ADAM23: variants seen among roughly 807,000 people sequenced by gnomAD.
ADAM23 encodes the protein ADAM metallopeptidase domain 23, also known as disintegrin and metalloproteinase domain-containing protein 23.
ADAM23 carries 33 observed loss-of-function variants against 120.1 expected under a neutral mutation model. The observed-to-expected ratio is 0.27, with a 90% CI of 0.21 to 0.37. ADAM23 has a LOEUF of 0.37. Among genes scored for constraint, ADAM23 ranks in the 10% least tolerant of loss-of-function variants. The probability of loss-of-function intolerance (pLI) is 1.00; values close to 1 mark genes in which losing one functional copy is unlikely to be tolerated. For synonymous variants in ADAM23, 367 were observed against 375.2 expected (o/e 0.98, Z 0.25); for missense variants, 862 against 1,058.2 (o/e 0.81, Z 2.57).
intron 24 of ADAM23, among the ~76,000 whole-genome samples, chr2:206,598,581 A>G (rs1698574435): frequency 6.6e-6 from 1 of 152,162 alleles, no homozygotes; most frequent in Admixed American, 6.5e-5. Context: ...TACGGAAAAT[A>G]TTAAAACTCA....
intron 3 of ADAM23, among the ~76,000 whole-genome samples, chr2:206,516,030 G>T (rs969424081): frequency 6.6e-6 from 1 of 151,804 alleles, no homozygotes; most frequent in African/African-American, 2.4e-5. Flanking sequence ...TACACATAAA[G>T]GAGTGGAAAA....
At chr2:206,607,875 A>G (rs1698756564) in intron 24 of ADAM23, 4 of 349,980 alleles carry the variant, frequency 1.1e-5, no homozygotes, top group South Asian at 8.0e-5. Flanking sequence ...TAAGAATTCC[A>G]TGGACAGTTT....
chr2:206,562,308 C>A lies in ADAM23; in HGVS notation c.1345+15C>A. The stretch of plus-strand genomic sequence containing the variant: ...CAGAAAGCCAAGTATGTACACTGAC[C>A]TTCTTACTCATTTTCATGTGCCATT... On this transcript the variant is annotated intron_variant, in intron 13 of 25. Coordinates refer to ENST00000264377, the MANE Select transcript of ADAM23 (RefSeq NM_003812.4). 6.2e-7 allele frequency: 1 copy of A among 1,601,004 alleles called. No individual in the cohort carries two copies. Among genetic ancestry groups the A allele is most frequent in the Non-Finnish European group, 8.6e-7 (1 of 1,168,756 alleles).
intron 20 of ADAM23, 138 bp from the exon 21 acceptor site, chr2:206,589,271 A>C (rs1224650756): frequency 3.1e-6 from 2 of 635,054 alleles, no homozygotes; most frequent in Non-Finnish European, 5.1e-6. Context: ...TACCATGGAA[A>C]CTTGCAAATG....
At chr2:206,611,912 G>A (rs900439451) in intron 25 of ADAM23, among the ~76,000 whole-genome samples, 1 of 152,188 alleles carries the variant, frequency 6.6e-6, no homozygotes, top group African/African-American at 2.4e-5. Flanking sequence ...ATGAGAAACA[G>A]CCTTTGCTGA....
chr2:206,467,501 C>A (rs950308193), intron 2 of ADAM23, among the ~76,000 whole-genome samples: 1 of 152,232 alleles, frequency 6.6e-6, no homozygotes, highest in Non-Finnish European at 1.5e-5. Context: ...CCATCCAGGG[C>A]ACACTGTTGT....
chr2:206,606,119 T>G (rs978177412), intron 24 of ADAM23, among the ~76,000 whole-genome samples: 1 of 152,218 alleles, frequency 6.6e-6, no homozygotes, highest in African/African-American at 2.4e-5. Flanking sequence ...TCTTCATAAT[T>G]AAGGCAATAG....
intron 3 of ADAM23, among the ~76,000 whole-genome samples, chr2:206,491,174 C>G (rs932958545): frequency 1.3e-5 from 2 of 151,916 alleles, no homozygotes; most frequent in African/African-American, 4.8e-5. Flanking sequence ...CCCTGCTTGC[C>G]TATTAACAAT....
chr2:206,510,556 A>T lies in ADAM23; in HGVS notation c.510-20329A>T, dbSNP rs533452417. 7.2e-5 allele frequency among the ~76,000 whole-genome samples: 11 copies of T among 152,352 alleles called. No homozygotes were observed. The South Asian group carries it at 2.3e-3, about 32-fold the overall frequency. On this transcript the variant is annotated intron_variant, in intron 3 of 25. Transcript: ENST00000264377. ...AACTGGGCCCATCATGGGTCTTTTT[A>T]GCATGGTTTCTCCATACTTCCTGGA...
intron 4 of ADAM23, among the ~76,000 whole-genome samples, chr2:206,538,051 A>G (rs934080340): frequency 6.6e-6 from 1 of 152,222 alleles, no homozygotes; most frequent in African/African-American, 2.4e-5. Context: ...AAGATAGCAG[A>G]TGACACTAGT....
chr2:206,550,272 C>A, intron 9 of ADAM23, 112 bp downstream of exon 9: 1 of 522,634 alleles, frequency 1.9e-6, no homozygotes, highest in Non-Finnish European at 3.1e-6. Context: ...GATATTCAGA[C>A]ATATTAAGTG....
At chr2:206,495,621 T>A (rs1329891499) in intron 3 of ADAM23, among the ~76,000 whole-genome samples, 1 of 152,174 alleles carries the variant, frequency 6.6e-6, no homozygotes, top group African/African-American at 2.4e-5. Context: ...GCTAACATCA[T>A]AATGACAGGA....
rs1166550520 is a variant in ADAM23, at chr2:206,445,393, A to G, written c.301A>G (p.Ile101Val). 1.9e-6 allele frequency: 3 copies of G among 1,614,000 alleles called. No individual in the cohort carries two copies. Among genetic ancestry groups the G allele is most frequent in the Non-Finnish European group, 2.5e-6 (3 of 1,179,994 alleles). ...NTLQQNSSSN[I>V]SYSNAMQKEI... ...ATTGCAACAGAATAGCAGCAGTAAT[A>G]TCAGTTACAGCAATGCAATGCAGAA... The change falls in exon 2 of 26, where the codon ATC (isoleucine) becomes GTC (valine). Residue 101 changes from isoleucine to valine, a missense_variant. By Grantham distance (29) the Ile-to-Val change is conservative. Coordinates refer to ENST00000264377, the MANE Select transcript of ADAM23 (RefSeq NM_003812.4).
chr2:206,488,853 CA>C (rs965550513), intron 3 of ADAM23, among the ~76,000 whole-genome samples: 13 of 152,100 alleles, frequency 8.5e-5, no homozygotes, highest in Admixed American at 8.5e-4. Flanking sequence ...AAGTGGCAGG[CA>C]GAGGTGTGGA....
rs544131259 is a variant in ADAM23, at chr2:206,587,261, G to A, written c.1738-64G>A. 2.4e-5 allele frequency: 29 copies of A among 1,222,944 alleles called. 1 individual carries two copies. The highest frequency in any genetic ancestry group is 4.0e-4 in the Middle Eastern group (2 of 5,050). The allele number at this position is 1,222,944 out of a possible 1,614,324, so 75.8% of individuals were successfully genotyped here. A position where few individuals can be genotyped will look rare whatever the true frequency, so the allele number is the denominator to read the frequency against. On this transcript the variant is annotated intron_variant, in intron 18 of 25. Transcript: ENST00000264377. ...ATCCACCATGCTTGCATTATATATA[G>A]TATGTACATTATCTGAAGGTACCTA...
chr2:206,572,352 A>G (rs1011402984), intron 17 of ADAM23, among the ~76,000 whole-genome samples: 4 of 152,192 alleles, frequency 2.6e-5, no homozygotes, highest in South Asian at 2.1e-4. Flanking sequence ...ACAGTCTTCC[A>G]TCTACAGAGA....
At position 206,620,793 on chromosome 2, in the gene ADAM23, G is replaced by C. The variant is rs1377266704; in HGVS notation, c.*3166G>C. ...TGTTATGAAACATGAATCACATAGA[G>C]CAGTGGAGTTTTACCAAGTGGTGTG... On this transcript the variant is annotated 3_prime_UTR_variant, in exon 26 of 26. Transcript: ENST00000264377. 6.6e-6 allele frequency: 1 copy of C among 152,072 alleles called. No homozygotes were observed. The highest frequency in any genetic ancestry group is 1.5e-5 in the Non-Finnish European group (1 of 68,026). The allele number at this position is 152,072 out of a possible 1,614,324, so 9.4% of individuals were successfully genotyped here. A position where few individuals can be genotyped will look rare whatever the true frequency, so the allele number is the denominator to read the frequency against.
At chr2:206,523,380 G>T (rs1696883030) in intron 3 of ADAM23, among the ~76,000 whole-genome samples, 1 of 152,144 alleles carries the variant, frequency 6.6e-6, no homozygotes, top group Non-Finnish European at 1.5e-5. Flanking sequence ...TATGAAATGT[G>T]CCCACACTTA....
At chr2:206,449,775 CA>C (rs1046610980) in intron 2 of ADAM23, among the ~76,000 whole-genome samples, 1 of 152,068 alleles carries the variant, frequency 6.6e-6, no homozygotes, top group Non-Finnish European at 1.5e-5. Context: ...AACAAACAAA[CA>C]AAAAACCCCC....
Sources: allele counts gnomAD v4.1 joint callset (sites outside exome capture counted in the v4.1 genomes callset), GRCh38; gene constraint gnomAD v4.1.1; transcripts MANE v1.5; gene names NCBI Gene and HGNC (gene_info 2026-07-23, HGNC 2026-07-21).